The following CCDC158 variants were observed in gnomAD, a reference collection of about 807,000 sequenced individuals.
CCDC158 encodes the protein coiled-coil domain-containing protein 158.
Under a neutral mutation model 138.6 loss-of-function variants are expected in CCDC158, and 116 were observed. The ratio of observed to expected loss-of-function variants is 0.84; its 90% CI spans 0.72 to 0.98. The LOEUF (loss-of-function observed/expected upper bound fraction) is 0.98, where lower values mean the gene tolerates loss of function less well. Ranked by LOEUF, CCDC158 falls within the 50% of genes least tolerant of loss-of-function variation. CCDC158 has a pLI of 0.00. For synonymous variants in CCDC158, 436 were observed against 442.4 expected (o/e 0.99, Z 0.18); for missense variants, 1,265 against 1,306.1 (o/e 0.97, Z 0.48).
At chr4:76,358,124 C>T (rs1723765942) in intron 13 of CCDC158, among the ~76,000 whole-genome samples, 1 of 152,136 alleles carries the variant, frequency 6.6e-6, no homozygotes, top group South Asian at 2.1e-4. Context: ...CACCTGAAAC[C>T]AACTGCCTCA....
At chr4:76,338,700 G>A (rs1721773461) in intron 18 of CCDC158, among the ~76,000 whole-genome samples, 1 of 152,120 alleles carries the variant, frequency 6.6e-6, no homozygotes, top group African/African-American at 2.4e-5. Flanking sequence ...GCTGCACCTG[G>A]TGGCAGGGTT....
intron 21 of CCDC158, among the ~76,000 whole-genome samples, chr4:76,329,559 G>C (rs1287554487): frequency 6.6e-6 from 1 of 152,148 alleles, no homozygotes; most frequent in African/African-American, 2.4e-5. Context: ...ACTCCAGCCT[G>C]GGCGACAGGG....
In CCDC158 at chr4:76,328,882, C is replaced by A; in HGVS notation, c.3010+18G>T. On this transcript the variant is annotated intron_variant, in intron 22 of 24. Transcript: ENST00000682701. ...AGACATTGTAGGGCCTATTTCTGTG[C>A]TTTCATTGGAAACTCACCTGCAGAT... 6.2e-7 allele frequency: 1 copy of A among 1,609,134 alleles called. No homozygotes were observed. Among genetic ancestry groups the A allele is most frequent in the South Asian group, 1.1e-5 (1 of 90,970 alleles).
upstream of CCDC158, among the ~76,000 whole-genome samples, chr4:76,421,338 C>G (rs2109948470): frequency 6.6e-6 from 1 of 152,180 alleles, no homozygotes; most frequent in South Asian, 2.1e-4. Flanking sequence ...CTGGGGCATC[C>G]GAGCGTCGAA....
chr4:76,372,421 G>A (rs72657826), intron 9 of CCDC158, among the ~76,000 whole-genome samples: 33,446 of 152,146 alleles, frequency 0.22, 3,913 homozygotes, highest in Middle Eastern at 0.29. Context: ...CTCCAGCCTG[G>A]GTGACAGAGC....
intron 22 of CCDC158, among the ~76,000 whole-genome samples, chr4:76,328,568 G>C (rs1291189528): frequency 6.6e-6 from 1 of 152,190 alleles, no homozygotes; most frequent in Non-Finnish European, 1.5e-5. Context: ...ACAGGCATGA[G>C]CCATCACACC....
In CCDC158 at chr4:76,343,670, G is replaced by A. The variant is rs141905057; in HGVS notation, c.2664+7326C>T. On this transcript the variant is annotated intron_variant, in intron 18 of 24. Transcript: ENST00000682701. ...ACAAAAATTAGCCAGGTGTGGTGGC[G>A]GGTGCCTGTAATCCCAGCTACTCAG... Among the ~76,000 whole-genome samples, 71 of 152,064 alleles carry A rather than the reference G, an allele frequency of 4.7e-4. 2 individuals carry two copies. The highest frequency in any genetic ancestry group is 1.5e-3 in the African/African-American group (63 of 41,496).
intron 9 of CCDC158, among the ~76,000 whole-genome samples, chr4:76,373,078 G>A (rs9654168): frequency 0.029 from 4,476 of 152,108 alleles, 220 homozygotes; most frequent in African/African-American, 0.1. Context: ...CGAACTCCTG[G>A]CCTCAGGTGA....
At chr4:76,349,996 T>G (rs917942160) in intron 18 of CCDC158, among the ~76,000 whole-genome samples, 2 of 152,202 alleles carry the variant, frequency 1.3e-5, no homozygotes, top group Admixed American at 6.5e-5. Context: ...TCAAATGTTC[T>G]TTGTTGTTGC....
chr4:76,334,080 C>A lies in CCDC158; in HGVS notation c.2752G>T (p.Glu918Ter). 6.2e-7 allele frequency: 1 copy of A among 1,613,928 alleles called. No individual in the cohort carries two copies. Among genetic ancestry groups the A allele is most frequent in the Non-Finnish European group, 8.5e-7 (1 of 1,179,832 alleles). Residue 918 changes from glutamate to a stop codon, truncating the protein, a stop_gained, in exon 19 of 25, where the codon GAG becomes TAG. Transcript: ENST00000682701. LOFTEE classifies it high-confidence loss of function. ...LQELRSVINEEPAVSLSKTEE... is the reference protein window; with the variant it reads ...LQELRSVINE ...GTCTTGCTCAGAGACACAGCTGGCTCCTCATTGATCACGCTTCTCAACTCT... is the reference window on the plus strand; with the variant it reads ...GTCTTGCTCAGAGACACAGCTGGCTACTCATTGATCACGCTTCTCAACTCT...
intron 22 of CCDC158, among the ~76,000 whole-genome samples, chr4:76,327,786 T>A (rs1055483219): frequency 6.6e-6 from 1 of 152,190 alleles, no homozygotes; most frequent in Admixed American, 6.5e-5. Flanking sequence ...ACCTCAATTT[T>A]CTCTATTTAC....
Position 76,416,410 on chromosome 4 carries a change from G to A in CCDC158, c.-116-4278C>T, listed in dbSNP as rs189514711. Among the ~76,000 whole-genome samples, 652 of 152,164 alleles carry A rather than the reference G, an allele frequency of 4.3e-3. 2 individuals carry two copies. Among genetic ancestry groups the A allele is most frequent in the Non-Finnish European group, 7.1e-3 (480 of 67,984 alleles). On this transcript the variant is annotated intron_variant, in intron 1 of 24. Transcript: ENST00000682701. The stretch of plus-strand genomic sequence containing the variant: ...TCTACACTCTCTCATCTCCGCACAC[G>A]GGGAGAAAACCCACTGACCCTGTGG...
chr4:76,357,370 A>G lies in CCDC158; in HGVS notation c.2173+4T>C, dbSNP rs754679830. On this transcript the variant is annotated splice_donor_region_variant and intron_variant, in intron 14 of 24. Coordinates refer to ENST00000682701, the MANE Select transcript of CCDC158 (RefSeq NM_001394954.1). ...GAAAAAATTTTAAATCTAACAGAGC[A>G]TACCATGACCATCAGATCCTTCCAT... 2 of 1,515,800 alleles carry G rather than the reference A, an allele frequency of 1.3e-6. No individual in the cohort carries two copies. Among genetic ancestry groups the G allele is most frequent in the South Asian group, 2.8e-5 (2 of 71,558 alleles). The allele number at this position is 1,515,800 out of a possible 1,614,324, so 93.9% of individuals were successfully genotyped here.
Position 76,369,547 on chromosome 4 carries a change from C to G in CCDC158, c.1226G>C (p.Gly409Ala). The stretch of plus-strand genomic sequence containing the variant: ...CAGGTGGTCAATGGTGATGCTGTTG[C>G]CTGTGTCTCGGTCCCACAGACGCTT... ...QNKRLWDRDTGNSITIDHLRR... is the reference protein window; with the variant it reads ...QNKRLWDRDTANSITIDHLRR... Residue 409 changes from glycine to alanine, a missense_variant, in exon 11 of 25, where the codon GGC becomes GCC. By Grantham distance (60) the Gly-to-Ala change is moderately conservative. Transcript: ENST00000682701. The G allele has an allele frequency of 6.2e-7, 1 of 1,614,156 alleles. No individual in the cohort carries two copies. Among genetic ancestry groups the G allele is most frequent in the Non-Finnish European group, 8.5e-7 (1 of 1,180,020 alleles).
At position 76,388,106 on chromosome 4, in the gene CCDC158, G is replaced by A. The variant is rs151102231; in HGVS notation, c.289-3441C>T. Among the ~76,000 whole-genome samples the A allele has an allele frequency of 4.7e-4, 72 of 152,270 alleles. No individual in the cohort carries two copies. In the East Asian group the frequency reaches 0.013, roughly 28 times the overall value. ...CCTGAGAGTATGCTTTGGGCCTTGG[G>A]CTCTGAGATGTGCTGGCTTCCGGGG... On this transcript the variant is annotated intron_variant, in intron 4 of 24. Coordinates refer to ENST00000682701, the MANE Select transcript of CCDC158 (RefSeq NM_001394954.1).
intron 24 of CCDC158, among the ~76,000 whole-genome samples, chr4:76,318,593 T>C (rs895618869): frequency 6.6e-6 from 1 of 152,118 alleles, no homozygotes; most frequent in Non-Finnish European, 1.5e-5. Flanking sequence ...TAAAAAAGGA[T>C]TGGTACCCAT....
At chr4:76,339,164 GA>G (rs930984062) in intron 18 of CCDC158, among the ~76,000 whole-genome samples, 46 of 151,520 alleles carry the variant, frequency 3.0e-4, no homozygotes, top group African/African-American at 1.1e-3. Flanking sequence ...TTTTTCAAAA[GA>G]AAAAAAACCA....
At chr4:76,393,542 T>C (rs1316446542) in intron 4 of CCDC158, among the ~76,000 whole-genome samples, 1 of 152,004 alleles carries the variant, frequency 6.6e-6, no homozygotes, top group African/African-American at 2.4e-5. Context: ...TGAGAAAACA[T>C]TGGGGTCAAC....
Position 76,371,436 on chromosome 4 carries a change from T to C in CCDC158, c.1130A>G (p.Asp377Gly). 1 of 1,614,094 alleles carries C rather than the reference T, an allele frequency of 6.2e-7. No homozygotes were observed. ...TCTTACCAACAGCTTTTGAAGTTGATCATCTAAATTTCCAGATTCCTGACT... is the reference window on the plus strand; with the variant it reads ...TCTTACCAACAGCTTTTGAAGTTGACCATCTAAATTTCCAGATTCCTGACT... ...QFSQESGNLDDQLQKLLADLH... is the reference protein window; with the variant it reads ...QFSQESGNLDGQLQKLLADLH... Residue 377 changes from aspartate (D) to glycine (G), a missense_variant, in exon 10 of 25, where the codon GAT becomes GGT. Coordinates refer to ENST00000682701, the MANE Select transcript of CCDC158 (RefSeq NM_001394954.1).
Sources: gnomAD v4.1 joint callset for allele counts (sites outside exome capture counted in the v4.1 genomes callset) on GRCh38, gnomAD v4.1.1 for gene constraint, MANE v1.5 for transcripts, NCBI Gene and HGNC (gene_info 2026-07-23, HGNC 2026-07-21) for gene names.